MLYCD: variants seen among roughly 807,000 people sequenced by gnomAD.
The protein encoded by MLYCD is malonyl-CoA decarboxylase, mitochondrial.
A neutral mutation model predicts 35.8 loss-of-function variants in MLYCD; 27 were observed. The ratio of observed to expected loss-of-function variants is 0.75; its 90% confidence interval spans 0.56 to 1.04. MLYCD has a LOEUF of 1.04. MLYCD is among the 50% of genes least tolerant of loss of function. The pLI, the probability that MLYCD is intolerant of heterozygous loss-of-function variation, is 0.00. For missense variants in MLYCD, 917 were observed against 665.1 expected (o/e 1.38, Z -4.17); for synonymous variants, 403 against 302.4 (o/e 1.33, Z -3.45).
In MLYCD at chr16:83,901,129, T is replaced by G. The variant is rs368742384; in HGVS notation, c.528+1457T>G. ...GCTAAGTGTTACTGAGGGCCAGGCA[T>G]CTTTGGCCGTAAGATTCTCAGACAG... is the stretch of plus-strand genomic sequence containing the variant. On this transcript the variant is annotated intron_variant, in intron 1 of 4. Transcript: ENST00000262430. Among the ~76,000 whole-genome samples the G allele has an allele frequency of 5.8e-4, 88 of 152,312 alleles. 1 individual carries two copies. In the South Asian group the frequency reaches 0.015, roughly 26 times the overall value.
At position 83,915,246 on chromosome 16, in the gene MLYCD, C is replaced by T; in HGVS notation, c.1239C>T (p.Gly413=). ...ACCTGTATGGAGAGAAGCACCGCGG[C>T]TACGCGCTGAACCCCGTGGCCAACT... is the stretch of plus-strand genomic sequence containing the variant. ...AWYLYGEKHR[G]YALNPVANFH... Residue 413 remains glycine (G), a synonymous_variant, in exon 5 of 5, where the codon GGC becomes GGT. Coordinates refer to ENST00000262430, the MANE Select transcript of MLYCD (RefSeq NM_012213.3). The T allele has an allele frequency of 6.2e-7, 1 of 1,613,042 alleles. No homozygotes were observed. Among genetic ancestry groups the T allele is most frequent in the African/African-American group, 1.3e-5 (1 of 75,040 alleles).
chr16:83,914,606 A>C (rs1157787014), intron 4 of MLYCD: 2 of 365,576 alleles, frequency 5.5e-6, no homozygotes, highest in Non-Finnish European at 1.1e-5. Flanking sequence ...GGTCTGGCAC[A>C]CATCAGGTTC....
At chr16:83,907,974 A>G in intron 2 of MLYCD, 152 bp from the exon 3 acceptor site, 2 of 1,006,756 alleles carry the variant, frequency 2.0e-6, no homozygotes, top group Non-Finnish European at 2.9e-6. Context: ...GCTGTTTCTC[A>G]TGAAAATGAC....
In MLYCD at chr16:83,923,487, T is replaced by C. The variant is rs1907715558; in HGVS notation, c.*7998T>C. ...GCCTTTGTTTGGTTTATTTCCACAT[T>C]GCATTTGCGTTTCCCGCCTGGCTAG... On this transcript the variant is annotated 3_prime_UTR_variant, in exon 5 of 5. Coordinates refer to ENST00000262430, the MANE Select transcript of MLYCD (RefSeq NM_012213.3). The C allele has an allele frequency of 6.6e-6, 1 of 152,240 alleles. No homozygotes were observed. The highest frequency in any genetic ancestry group is 1.9e-4 in the East Asian group (1 of 5,192). The allele number at this position is 152,240 out of a possible 1,614,324, so 9.4% of individuals were successfully genotyped here.
chr16:83,912,240 CATCAG>C lies in MLYCD; in HGVS notation c.823_827del (p.Ser275AsnfsTer77). 1 of 1,614,214 alleles carries C rather than the reference CATCAG, an allele frequency of 6.2e-7. No homozygotes were observed. Among genetic ancestry groups the C allele is most frequent in the Non-Finnish European group, 8.5e-7 (1 of 1,180,050 alleles). ...CAGGCAATCGTGAAGGAACATCCTC[CATCAG>C]AAACAGAAGAGAAGAACAAAATCAC... On this transcript the variant is annotated frameshift_variant, in exon 4 of 5. Coordinates refer to ENST00000262430, the MANE Select transcript of MLYCD (RefSeq NM_012213.3). LOFTEE classifies it high-confidence loss of function.
chr16:83,907,984 C>A, intron 2 of MLYCD, 142 bp from the exon 3 acceptor site: 1 of 1,074,178 alleles, frequency 9.3e-7, no homozygotes. Context: ...ATGAAAATGA[C>A]TTTCTTTGAA....
At chr16:83,905,883 C>A (rs916248208) in intron 1 of MLYCD, among the ~76,000 whole-genome samples, 1 of 152,188 alleles carries the variant, frequency 6.6e-6, no homozygotes, top group Non-Finnish European at 1.5e-5. Context: ...ACCGAGGCGA[C>A]GCTGCTCCTG....
In MLYCD at chr16:83,924,808, C is replaced by G. The variant is rs1213298314; in HGVS notation, c.*9319C>G. ...CCCGGTGACCTCCTAGGGGGTACAT[C>G]CAGCCAGGTTCCCCCTCAGCAATGG... On this transcript the variant is annotated 3_prime_UTR_variant, in exon 5 of 5. Coordinates refer to ENST00000262430, the MANE Select transcript of MLYCD (RefSeq NM_012213.3). 1 of 152,200 alleles carries G rather than the reference C, an allele frequency of 6.6e-6. No individual in the cohort carries two copies. The highest frequency in any genetic ancestry group is 2.4e-5 in the African/African-American group (1 of 41,446). 9.4% of individuals were successfully genotyped at this position (152,200 alleles called of 1,614,324 possible).
At position 83,919,950 on chromosome 16, in the gene MLYCD, A is replaced by G. The variant is rs1003766400; in HGVS notation, c.*4461A>G. 8 of 152,112 alleles carry G rather than the reference A, an allele frequency of 5.3e-5. No individual in the cohort carries two copies. The highest frequency in any genetic ancestry group is 1.9e-4 in the African/African-American group (8 of 41,122). The allele number at this position is 152,112 out of a possible 1,614,324, so 9.4% of individuals were successfully genotyped here. ...CAACACATTCCATGCACAGGAGAAC[A>G]CACGCAATTCACAGGACACAACAGA... On this transcript the variant is annotated 3_prime_UTR_variant, in exon 5 of 5. Transcript: ENST00000262430.
rs1906681915 is a variant in MLYCD, at chr16:83,899,181, C to T, written c.37C>T (p.Leu13Phe). 8.5e-7 allele frequency: 1 copy of T among 1,170,562 alleles called. No individual in the cohort carries two copies. Among genetic ancestry groups the T allele is most frequent in the Non-Finnish European group, 1.1e-6 (1 of 952,100 alleles). 72.5% of individuals were successfully genotyped at this position (1,170,562 alleles called of 1,614,324 possible). Residue 13 changes from leucine (L) to phenylalanine (F), a missense_variant, in exon 1 of 5, where the codon CTC (leucine) becomes TTC (phenylalanine). Physicochemically the swap from Leu to Phe is conservative, Grantham distance 22. Coordinates refer to ENST00000262430, the MANE Select transcript of MLYCD (RefSeq NM_012213.3). Reference protein sequence around the residue: ...GFGPGLTARRLLPLRLPPRPP... With the variant: ...GFGPGLTARRFLPLRLPPRPP... ...CGGGCCAGGCTTGACGGCCAGGCGTCTCCTCCCGCTGCGGTTGCCCCCGCG... is the reference window on the plus strand; with the variant it reads ...CGGGCCAGGCTTGACGGCCAGGCGTTTCCTCCCGCTGCGGTTGCCCCCGCG...
chr16:83,904,814 C>G (rs1192428789), intron 1 of MLYCD, among the ~76,000 whole-genome samples: 2 of 152,190 alleles, frequency 1.3e-5, no homozygotes, highest in East Asian at 1.9e-4. Flanking sequence ...AGGATGACCT[C>G]TGTGGACAGC....
Position 83,926,259 on chromosome 16 carries a change from T to A in MLYCD, c.*10770T>A, listed in dbSNP as rs952472828. The A allele has an allele frequency of 5.3e-5, 8 of 152,226 alleles. No homozygotes were observed. Among genetic ancestry groups the A allele is most frequent in the African/African-American group, 1.9e-4 (8 of 41,382 alleles). 9.4% of individuals were successfully genotyped at this position (152,226 alleles called of 1,614,324 possible). ...AGATCTCACTTTCTCCAAGCCCAGC[T>A]CCCCAAGGACTCAGACCCCAGTTGC... On this transcript the variant is annotated 3_prime_UTR_variant, in exon 5 of 5. Coordinates refer to ENST00000262430, the MANE Select transcript of MLYCD (RefSeq NM_012213.3).
intron 2 of MLYCD, 102 bp downstream of exon 2, chr16:83,907,201 C>A: frequency 1.0e-6 from 1 of 1,002,662 alleles, no homozygotes; most frequent in Non-Finnish European, 1.5e-6. Context: ...TTCATATGTA[C>A]AGTTTATTTC....
rs1213643439 is a variant in MLYCD at position 83,919,208 on chromosome 16, AACACAGTGCACAGGAGAACAC to A, written c.*3725_*3745del. ...AGAATTCACACACAATGCACAGGAG[AACACAGTGCACAGGAGAACAC>A]ACACACACACTGCACAGGAGACCAT... On this transcript the variant is annotated 3_prime_UTR_variant, in exon 5 of 5. Coordinates refer to ENST00000262430, the MANE Select transcript of MLYCD (RefSeq NM_012213.3). The A allele has an allele frequency of 7.0e-6, 1 of 143,874 alleles. No individual in the cohort carries two copies. The highest frequency in any genetic ancestry group is 2.8e-5 in the African/African-American group (1 of 36,312). 8.9% of individuals were successfully genotyped at this position (143,874 alleles called of 1,614,324 possible).
chr16:83,913,462 C>G (rs538899562), intron 4 of MLYCD: 1 of 152,394 alleles, frequency 6.6e-6, no homozygotes, highest in African/African-American at 2.4e-5. Flanking sequence ...GGGCGGCCAG[C>G]CTAGAAGTCC....
rs1256366439 is a variant in MLYCD at position 83,908,153 on chromosome 16, C to G, written c.669C>G (p.Asn223Lys). 5 of 1,614,190 alleles carry G rather than the reference C, an allele frequency of 3.1e-6. No individual in the cohort carries two copies. In the South Asian group the frequency reaches 4.4e-5, roughly 14 times the overall value. The change falls in exon 3 of 5, where the codon AAC (asparagine) becomes AAG (lysine). Residue 223 changes from asparagine (N) to lysine (K), a missense_variant. By Grantham distance (94) the Asn-to-Lys change is moderately conservative (BLOSUM62 0). Coordinates refer to ENST00000262430, the MANE Select transcript of MLYCD (RefSeq NM_012213.3). ...SEAEAVHPVK[N>K]WMDMKRRVGP... Reference sequence around the variant, plus strand: ...CTGAGGCTGTGCATCCTGTAAAAAACTGGATGGACATGAAGCGCCGCGTTG... The same window carrying G: ...CTGAGGCTGTGCATCCTGTAAAAAAGTGGATGGACATGAAGCGCCGCGTTG...
chr16:83,902,489 T>C (rs1906830772), intron 1 of MLYCD, among the ~76,000 whole-genome samples: 2 of 145,308 alleles, frequency 1.4e-5, no homozygotes, highest in Non-Finnish European at 3.0e-5. Flanking sequence ...TGATCTGATC[T>C]ATTTTTTTAA....
Position 83,899,164 on chromosome 16 carries a change from G to T in MLYCD, c.20G>T (p.Gly7Val). MRGFGP[G>V]LTARRLLPLR... ...GGCACCATGCGAGGCTTCGGGCCAG[G>T]CTTGACGGCCAGGCGTCTCCTCCCG... Residue 7 changes from glycine (G) to valine (V), a missense_variant, in exon 1 of 5, where the codon GGC becomes GTC. Coordinates refer to ENST00000262430, the MANE Select transcript of MLYCD (RefSeq NM_012213.3). 8.6e-7 allele frequency: 1 copy of T among 1,158,660 alleles called. No homozygotes were observed. Among genetic ancestry groups the T allele is most frequent in the South Asian group, 3.4e-5 (1 of 29,194 alleles). 71.8% of individuals were successfully genotyped at this position (1,158,660 alleles called of 1,614,324 possible).
chr16:83,905,439 A>C (rs971649951), intron 1 of MLYCD, among the ~76,000 whole-genome samples: 2 of 152,208 alleles, frequency 1.3e-5, no homozygotes, highest in African/African-American at 4.8e-5. Flanking sequence ...AATATGACAG[A>C]AGTTTGTCTG....
Sources: allele counts gnomAD v4.1 joint callset (sites outside exome capture counted in the v4.1 genomes callset), GRCh38; gene constraint gnomAD v4.1.1; transcripts MANE v1.5; gene names NCBI Gene and HGNC (gene_info 2026-07-23, HGNC 2026-07-21).